THSD4: variants seen among roughly 807,000 people sequenced by gnomAD.
THSD4 encodes the protein thrombospondin type-1 domain-containing protein 4.
THSD4 carries 69 observed loss-of-function variants against 119.0 expected under a neutral mutation model. That is an observed-to-expected ratio of 0.58 (90% CI 0.48 to 0.71). The LOEUF (loss-of-function observed/expected upper bound fraction) is 0.71, where lower values mean the gene tolerates loss of function less well. THSD4 is among the 30% of genes least tolerant of loss of function. The pLI, the probability that THSD4 is intolerant of heterozygous loss-of-function variation, is 0.00. For missense variants in THSD4, 1,393 were observed against 1,391.1 expected, an observed-to-expected ratio of 1.00 and a Z score of -0.02; for synonymous variants, 524 against 540.4, an observed-to-expected ratio of 0.97 and a Z score of 0.42.
intron 8 of THSD4, among the ~76,000 whole-genome samples, chr15:71,685,206 A>T (rs1038913492): frequency 1.3e-5 from 2 of 151,756 alleles, no homozygotes; most frequent in Non-Finnish European, 2.9e-5. Context: ...TCTTTTTAAA[A>T]AAAAAAGAAA....
At chr15:71,435,935 G>A (rs1013359382) in intron 7 of THSD4, among the ~76,000 whole-genome samples, 2 of 152,216 alleles carry the variant, frequency 1.3e-5, no homozygotes, top group Admixed American at 6.5e-5. Context: ...GAAAAAGAGA[G>A]TGCTGCTTAA....
rs368217680 is a variant in THSD4, at chr15:71,731,104, G to A, written c.1534-17G>A. ...CATACGTGCCAAGTGCGGTAACACT[G>A]ATTTTTGTGTCAGCAGATGATACAC... On this transcript the variant is annotated splice_polypyrimidine_tract_variant and intron_variant, in intron 9 of 17. Transcript: ENST00000261862. The A allele has an allele frequency of 1.9e-6, 3 of 1,613,898 alleles. No homozygotes were observed. Among genetic ancestry groups the A allele is most frequent in the Non-Finnish European group, 2.5e-6 (3 of 1,179,840 alleles).
At chr15:71,771,035 T>G in intron 16 of THSD4, 29 bp from the exon 17 acceptor site, 1 of 1,608,928 alleles carries the variant, frequency 6.2e-7, no homozygotes, top group Non-Finnish European at 8.5e-7. Context: ...TGCCCAAAAA[T>G]CTGATGTTTT....
chr15:71,727,476 G>T lies in THSD4; in HGVS notation c.1358-1073G>T, dbSNP rs527798091. On this transcript the variant is annotated intron_variant, in intron 8 of 17. Transcript: ENST00000261862. ...TTTGGGAGGCTGAGGCAGGCAGATCGCTTGAGCTCAGGAGTTTGAGACCAG... is the reference window on the plus strand; with the variant it reads ...TTTGGGAGGCTGAGGCAGGCAGATCTCTTGAGCTCAGGAGTTTGAGACCAG... Among the ~76,000 whole-genome samples the T allele has an allele frequency of 9.2e-3, 1,373 of 148,528 alleles. 11 individuals carry two copies. The highest frequency in any genetic ancestry group is 0.015 in the Non-Finnish European group (1,024 of 67,556).
At chr15:71,346,210 A>C (rs923402202) in intron 6 of THSD4, among the ~76,000 whole-genome samples, 1 of 152,220 alleles carries the variant, frequency 6.6e-6, no homozygotes, top group East Asian at 1.9e-4. Context: ...AATATAGACC[A>C]TTATTAGGTA....
At chr15:71,272,396 CAAAAAAAAA>C (rs61293620) in intron 6 of THSD4, among the ~76,000 whole-genome samples, 7 of 55,562 alleles carry the variant, frequency 1.3e-4, no homozygotes, top group African/African-American at 2.3e-4. Context: ...GACTCTGTCT[CAAAAAAAAA>C]AAAAAAAAAA....
intron 7 of THSD4, among the ~76,000 whole-genome samples, chr15:71,413,821 C>G (rs1009141650): frequency 6.6e-6 from 1 of 152,226 alleles, no homozygotes; most frequent in Non-Finnish European, 1.5e-5. Context: ...CTGGTTTTCA[C>G]ACATCCTCTC....
chr15:71,554,674 G>T (rs542832513), intron 7 of THSD4, among the ~76,000 whole-genome samples: 3 of 151,816 alleles, frequency 2.0e-5, no homozygotes, highest in African/African-American at 7.3e-5. Context: ...AAGATTACAG[G>T]TGTGAGCCAC....
chr15:71,321,565 C>T (rs1409248068), intron 6 of THSD4, among the ~76,000 whole-genome samples: 1 of 152,078 alleles, frequency 6.6e-6, no homozygotes, highest in African/African-American at 2.4e-5. Context: ...TTAGTATCAG[C>T]CTTCTCTTTT....
At chr15:71,173,918 C>T (rs559350285) in intron 3 of THSD4, among the ~76,000 whole-genome samples, 2 of 152,054 alleles carry the variant, frequency 1.3e-5, no homozygotes, top group African/African-American at 4.8e-5. Flanking sequence ...GAAAAGATGT[C>T]GTGTATAAAA....
At chr15:71,559,472 T>C (rs1409640955) in intron 7 of THSD4, among the ~76,000 whole-genome samples, 9 of 152,156 alleles carry the variant, frequency 5.9e-5, no homozygotes, top group Admixed American at 5.9e-4. Flanking sequence ...GCGATTTGAA[T>C]GGAATTTTGC....
chr15:71,254,159 G>C (rs1798125853), intron 5 of THSD4, among the ~76,000 whole-genome samples: 1 of 152,182 alleles, frequency 6.6e-6, no homozygotes, highest in African/African-American at 2.4e-5. Context: ...GTTATTTGAG[G>C]AACAGGACCT....
intron 6 of THSD4, among the ~76,000 whole-genome samples, chr15:71,261,616 T>A (rs1567173732): frequency 6.6e-6 from 1 of 152,022 alleles, no homozygotes. Context: ...TTAGCTCAGG[T>A]CATGTGACCA....
At chr15:71,482,345 C>T (rs1158977776) in intron 7 of THSD4, among the ~76,000 whole-genome samples, 2 of 148,034 alleles carry the variant, frequency 1.4e-5, no homozygotes, top group African/African-American at 5.0e-5. Context: ...GGCTGGAGTG[C>T]AGTGGCACGA....
chr15:71,241,894 ATT>A (rs993175446), intron 4 of THSD4, among the ~76,000 whole-genome samples: 1 of 151,524 alleles, frequency 6.6e-6, no homozygotes, highest in Non-Finnish European at 1.5e-5. Flanking sequence ...ACATTATGAG[ATT>A]TTTTTTTGCA....
intron 9 of THSD4, 199 bp downstream of exon 9, chr15:71,728,923 T>C: frequency 1.6e-6 from 1 of 639,506 alleles, no homozygotes; most frequent in Non-Finnish European, 2.7e-6. Context: ...CACAGCAACC[T>C]CCAACTCCAC....
chr15:71,623,967 C>G (rs2050464623), intron 7 of THSD4, among the ~76,000 whole-genome samples: 1 of 151,072 alleles, frequency 6.6e-6, no homozygotes, highest in Non-Finnish European at 1.5e-5. Context: ...TCAAGTCTTA[C>G]AACAGTGAAT....
chr15:71,533,249 T>C (rs535518359), intron 7 of THSD4, among the ~76,000 whole-genome samples: 1 of 152,280 alleles, frequency 6.6e-6, no homozygotes, highest in South Asian at 2.1e-4. Flanking sequence ...CACTAGGAAA[T>C]ATAGATTTGC....
chr15:71,749,541 C>T (rs919845955), intron 14 of THSD4, among the ~76,000 whole-genome samples: 4 of 152,158 alleles, frequency 2.6e-5, no homozygotes, highest in African/African-American at 9.7e-5. Flanking sequence ...CTCTCGGATA[C>T]ACTAGTTCTG....
Sources: allele counts gnomAD v4.1 joint callset (sites outside exome capture counted in the v4.1 genomes callset), GRCh38; gene constraint gnomAD v4.1.1; transcripts MANE v1.5; gene names NCBI Gene and HGNC (gene_info 2026-07-23, HGNC 2026-07-21).